The following ZNF654 variants were observed in gnomAD, a reference collection of about 807,000 sequenced individuals.
ZNF654 encodes zinc finger protein 654, also known as melanoma-associated antigen.
Under a neutral mutation model 95.3 loss-of-function variants are expected in ZNF654, and 19 were observed. That is an observed-to-expected ratio of 0.20 (90% confidence interval 0.14 to 0.29). The LOEUF (loss-of-function observed/expected upper bound fraction) is 0.29, where lower values mean the gene tolerates loss of function less well. Among genes scored for constraint, ZNF654 ranks in the 10% least tolerant of loss-of-function variants. The pLI is 1.00. For synonymous variants in ZNF654, 413 were observed against 457.9 expected, an observed-to-expected ratio of 0.90 and a Z score of 1.25; for missense variants, 1,046 against 1,341.0, an observed-to-expected ratio of 0.78 and a Z score of 3.44.
intron 2 of ZNF654, among the ~76,000 whole-genome samples, chr3:88,097,877 G>A (rs1328493135): frequency 6.6e-6 from 1 of 152,134 alleles, no homozygotes; most frequent in Non-Finnish European, 1.5e-5. Flanking sequence ...ACAAGAGAAA[G>A]CAGGAAAGAT....
intron 3 of ZNF654, among the ~76,000 whole-genome samples, chr3:88,121,501 T>G (rs1442834029): frequency 6.6e-6 from 1 of 152,110 alleles, no homozygotes; most frequent in Non-Finnish European, 1.5e-5. Context: ...TCCCCTTTAT[T>G]TTATATGGGC....
intron 2 of ZNF654, among the ~76,000 whole-genome samples, chr3:88,096,629 A>T (rs1704077342): frequency 6.6e-6 from 1 of 152,098 alleles, no homozygotes; most frequent in African/African-American, 2.4e-5. Flanking sequence ...TTTTCTTCTG[A>T]TGAAAAATCT....
chr3:88,115,899 A>G (rs1489940023), intron 3 of ZNF654, among the ~76,000 whole-genome samples: 1 of 152,222 alleles, frequency 6.6e-6, no homozygotes, highest in Non-Finnish European at 1.5e-5. Flanking sequence ...GCTGGAAATT[A>G]GGATGGGAAC....
At chr3:88,084,733 G>A (rs969667558) in intron 1 of ZNF654, among the ~76,000 whole-genome samples, 5 of 152,138 alleles carry the variant, frequency 3.3e-5, no homozygotes, top group African/African-American at 1.2e-4. Flanking sequence ...AAACTCTTGA[G>A]TCAGAGATAA....
chr3:88,065,818 C>T lies in ZNF654; in HGVS notation c.186+6313C>T, dbSNP rs562157709. Among the ~76,000 whole-genome samples the T allele has an allele frequency of 9.9e-5, 15 of 152,204 alleles. No individual in the cohort carries two copies. In the South Asian group the frequency reaches 2.5e-3, roughly 25 times the overall value. ...CTAGGCTCACTGCAACCTCCCTGTCCGGGGCTAAAGCGCTTCTCAGCACCC... is the reference window on the plus strand; with the variant it reads ...CTAGGCTCACTGCAACCTCCCTGTCTGGGGCTAAAGCGCTTCTCAGCACCC... On this transcript the variant is annotated intron_variant, in intron 1 of 8. Coordinates refer to ENST00000636215, the MANE Select transcript of ZNF654 (RefSeq NM_001350134.2).
intron 1 of ZNF654, among the ~76,000 whole-genome samples, chr3:88,078,275 C>T (rs2107637707): frequency 6.6e-6 from 1 of 152,276 alleles, no homozygotes; most frequent in East Asian, 1.9e-4. Flanking sequence ...AGACCCTCTG[C>T]TTTGCATAGA....
At chr3:88,067,918 G>C (rs970554924) in intron 1 of ZNF654, among the ~76,000 whole-genome samples, 1 of 151,182 alleles carries the variant, frequency 6.6e-6, no homozygotes, top group Non-Finnish European at 1.5e-5. Context: ...GGTGTGAACT[G>C]TGTACACTTA....
intron 2 of ZNF654, among the ~76,000 whole-genome samples, chr3:88,092,578 C>A (rs1703808690): frequency 1.3e-5 from 2 of 151,958 alleles, no homozygotes; most frequent in African/African-American, 2.4e-5. Context: ...GTTTAAGGCA[C>A]CTGGATATTA....
At position 88,077,364 on chromosome 3, in the gene ZNF654, C is replaced by T. The variant is rs1376670450; in HGVS notation, c.187-8893C>T. Among the ~76,000 whole-genome samples, 187 of 145,966 alleles carry T rather than the reference C, an allele frequency of 1.3e-3. 1 individual carries two copies. Among genetic ancestry groups the T allele is most frequent in the African/African-American group, 4.6e-3 (179 of 39,216 alleles). ...TTTTTTTTTTTTTGAGACGGAGTCTCGCTCTGTTGCCCAGGCTGGAGTACA... is the reference window on the plus strand; with the variant it reads ...TTTTTTTTTTTTTGAGACGGAGTCTTGCTCTGTTGCCCAGGCTGGAGTACA... On this transcript the variant is annotated intron_variant, in intron 1 of 8. Transcript: ENST00000636215.
chr3:88,114,554 AT>A (rs1157351412), intron 3 of ZNF654, among the ~76,000 whole-genome samples: 1 of 152,108 alleles, frequency 6.6e-6, no homozygotes, highest in Non-Finnish European at 1.5e-5. Context: ...ATCCTGGCTG[AT>A]TCTAATTTCC....
At chr3:88,097,817 C>G (rs530834225) in intron 2 of ZNF654, among the ~76,000 whole-genome samples, 20 of 152,084 alleles carry the variant, frequency 1.3e-4, no homozygotes, top group Non-Finnish European at 2.9e-4. Context: ...AGAATATCTG[C>G]GACACATTTA....
At chr3:88,131,232 G>A (rs890735255) in intron 6 of ZNF654, among the ~76,000 whole-genome samples, 1 of 152,144 alleles carries the variant, frequency 6.6e-6, no homozygotes, top group African/African-American at 2.4e-5. Context: ...TATAGAAAAA[G>A]TACAGTAAAA....
intron 3 of ZNF654, among the ~76,000 whole-genome samples, chr3:88,117,993 G>A (rs1237337458): frequency 6.6e-6 from 1 of 150,882 alleles, no homozygotes; most frequent in African/African-American, 2.4e-5. Context: ...TAAATTAAGA[G>A]AAACATAGAT....
chr3:88,064,668 C>T (rs1488849324), intron 1 of ZNF654, among the ~76,000 whole-genome samples: 1 of 152,160 alleles, frequency 6.6e-6, no homozygotes, highest in African/African-American at 2.4e-5. Flanking sequence ...AGCCAGTTAC[C>T]ACCCATCCAT....
intron 2 of ZNF654, among the ~76,000 whole-genome samples, chr3:88,106,306 C>T (rs887190691): frequency 1.2e-4 from 19 of 152,020 alleles, no homozygotes; most frequent in African/African-American, 4.6e-4. Context: ...CCTTCCTGTG[C>T]TGTAAGTTGA....
intron 1 of ZNF654, among the ~76,000 whole-genome samples, chr3:88,068,074 T>A (rs1184248821): frequency 1.3e-5 from 2 of 152,054 alleles, no homozygotes; most frequent in Non-Finnish European, 2.9e-5. Flanking sequence ...AGTTTTGTGG[T>A]AGGAGTAAAG....
intron 2 of ZNF654, among the ~76,000 whole-genome samples, chr3:88,092,861 A>G (rs1219090706): frequency 6.6e-6 from 1 of 152,188 alleles, no homozygotes; most frequent in Non-Finnish European, 1.5e-5. Flanking sequence ...ATATGTATTG[A>G]TCTGCCTTCT....
intron 1 of ZNF654, among the ~76,000 whole-genome samples, chr3:88,073,211 T>G (rs1191999835): frequency 2.6e-5 from 4 of 152,106 alleles, no homozygotes; most frequent in Non-Finnish European, 5.9e-5. Flanking sequence ...AATCCGGAAC[T>G]GTGGGACTAG....
intron 2 of ZNF654, among the ~76,000 whole-genome samples, chr3:88,109,028 G>A (rs1376746892): frequency 1.3e-5 from 2 of 152,008 alleles, no homozygotes; most frequent in African/African-American, 2.4e-5. Flanking sequence ...TGGGAGACAT[G>A]AACAGAAACA....
Sources: gnomAD v4.1 joint callset for allele counts (sites outside exome capture counted in the v4.1 genomes callset) on GRCh38, gnomAD v4.1.1 for gene constraint, MANE v1.5 for transcripts, NCBI Gene and HGNC (gene_info 2026-07-23, HGNC 2026-07-21) for gene names.